Variants in MSH6 observed in about 807,000 individuals in gnomAD.
MSH6 encodes DNA mismatch repair protein Msh6.
MSH6 carries 85 observed loss-of-function variants against 119.1 expected under a neutral mutation model. The observed-to-expected ratio is 0.71, with a 90% CI of 0.60 to 0.85. The LOEUF is 0.85. Ranked by LOEUF, MSH6 falls within the 40% of genes least tolerant of loss-of-function variation. The pLI is 0.00. For synonymous variants in MSH6, 830 were observed against 586.9 expected (o/e 1.41, Z -5.99); for missense variants, 2,163 against 1,655.3 (o/e 1.31, Z -5.32).
In MSH6 at chr2:47,799,228, G is replaced by A. The variant is rs769418914; in HGVS notation, c.1245G>A (p.Gln415=). 1.4e-5 allele frequency: 23 copies of A among 1,614,028 alleles called. No individual in the cohort carries two copies. The African/African-American group carries it at 2.3e-4, about 16-fold the overall frequency. ...SCTPGMRKWW[Q]IKSQNFDLVI... ...CTCCTGGGATGAGGAAGTGGTGGCA[G>A]ATTAAGTCTCAGAACTTTGATCTTG... Residue 415 remains glutamine, a synonymous_variant, in exon 4 of 10, where the codon CAG becomes CAA. Transcript: ENST00000234420.
rs2104306041 is a variant in MSH6 at position 47,798,897 on chromosome 2, C to A, written c.914C>A (p.Thr305Asn). ...GCTCGAAAGCGGAAGAGAATGGTGA[C>A]TGGAAATGGCTCTCTTAAAAGGAAA... ...KVARKRKRMV[T>N]GNGSLKRKSS... Residue 305 changes from threonine (T) to asparagine (N), a missense_variant, in exon 4 of 10, where the codon ACT (threonine) becomes AAT (asparagine). Thr to Asn is a moderately conservative substitution (Grantham distance 65, BLOSUM62 0). Transcript: ENST00000234420. The A allele has an allele frequency of 6.2e-7, 1 of 1,614,152 alleles. No individual in the cohort carries two copies. The highest frequency in any genetic ancestry group is 1.1e-5 in the South Asian group (1 of 91,080).
intron 2 of MSH6, among the ~76,000 whole-genome samples, chr2:47,793,976 T>A (rs1390277270): frequency 6.6e-6 from 1 of 151,260 alleles, no homozygotes; most frequent in Non-Finnish European, 1.5e-5. Flanking sequence ...AAGTGATCCG[T>A]CCACCTTGGC....
intron 1 of MSH6, among the ~76,000 whole-genome samples, chr2:47,786,715 G>T (rs1332906160): frequency 6.8e-6 from 1 of 147,938 alleles, no homozygotes; most frequent in Non-Finnish European, 1.5e-5. Flanking sequence ...GTCTTTTGCT[G>T]TTTCTTTTTT....
Position 47,800,491 on chromosome 2 carries a change from C to G in MSH6, c.2508C>G (p.Asn836Lys), listed in dbSNP as rs758170249. 1 of 1,612,960 alleles carries G rather than the reference C, an allele frequency of 6.2e-7. No homozygotes were observed. The highest frequency in any genetic ancestry group is 8.5e-7 in the Non-Finnish European group (1 of 1,179,728). The change falls in exon 4 of 10, where the codon AAC becomes AAG. Residue 836 changes from asparagine to lysine, a missense_variant. Physicochemically the swap from Asn to Lys is moderately conservative, Grantham distance 94. Transcript: ENST00000234420. ...TTGGGTCTCCCCTGAAGAGTCAGAACCACCCAGACAGCAGGGCTATAATGT... is the reference window on the plus strand; with the variant it reads ...TTGGGTCTCCCCTGAAGAGTCAGAAGCACCCAGACAGCAGGGCTATAATGT... ...HNVGSPLKSQ[N>K]HPDSRAIMYE...
chr2:47,809,285 T>A (rs955345212), downstream of MSH6: 2 of 1,436,002 alleles, frequency 1.4e-6, no homozygotes, highest in African/African-American at 1.4e-5. Flanking sequence ...AAAGAAAGAA[T>A]AAGTAAAAAT....
intron 2 of MSH6, among the ~76,000 whole-genome samples, chr2:47,795,010 G>A (rs1668983375): frequency 6.6e-6 from 1 of 152,062 alleles, no homozygotes; most frequent in Non-Finnish European, 1.5e-5. Flanking sequence ...GGTCAGGTTG[G>A]TCTTGAACTC....
chr2:47,808,527 C>A, downstream of MSH6: 3 of 1,044,128 alleles, frequency 2.9e-6, no homozygotes, highest in South Asian at 1.9e-5. Flanking sequence ...TTTAAGAGGA[C>A]CAAAACAAAA....
rs764507968 is a variant in MSH6 at position 47,806,494 on chromosome 2, A to G, written c.3844A>G (p.Thr1282Ala). 6.2e-7 allele frequency: 1 copy of G among 1,614,052 alleles called. No individual in the cohort carries two copies. The highest frequency in any genetic ancestry group is 8.5e-7 in the Non-Finnish European group (1 of 1,179,974). Reference sequence around the variant, plus strand: ...TGAATGTGAAGACCCCAGCCAGGAGACTATTACGTTCCTCTATAAATTCAT... The same window carrying G: ...TGAATGTGAAGACCCCAGCCAGGAGGCTATTACGTTCCTCTATAAATTCAT... ...ENECEDPSQE[T>A]ITFLYKFIKG... The change falls in exon 9 of 10, where the codon ACT (threonine) becomes GCT (alanine). Residue 1282 changes from threonine (T) to alanine (A), a missense_variant. Thr to Ala is a moderately conservative substitution (Grantham distance 58). Transcript: ENST00000234420.
chr2:47,785,052 G>T (rs1668266424), intron 1 of MSH6: 1 of 151,374 alleles, frequency 6.6e-6, no homozygotes. Flanking sequence ...TCGAACTCCT[G>T]ACCTCTTGAT....
intron 6 of MSH6, 92 bp downstream of exon 6, chr2:47,805,119 ATAT>A: frequency 1.1e-6 from 1 of 875,608 alleles, no homozygotes; most frequent in Non-Finnish European, 1.9e-6. Context: ...TTTAAATCTA[ATAT>A]TTGATTTTTC....
chr2:47,789,114 C>T (rs538421712), intron 1 of MSH6, among the ~76,000 whole-genome samples: 5 of 145,992 alleles, frequency 3.4e-5, no homozygotes, highest in African/African-American at 2.5e-5. Context: ...TTGGTAGAGA[C>T]GGGGTTTCAC....
At position 47,801,025 on chromosome 2, in the gene MSH6, G is replaced by T; in HGVS notation, c.3042G>T (p.Lys1014Asn). The change falls in exon 4 of 10, where the codon AAG becomes AAT. Residue 1014 changes from lysine (K) to asparagine (N), a missense_variant. Lys to Asn is a moderately conservative substitution (Grantham distance 94, BLOSUM62 0). Coordinates refer to ENST00000234420, the MANE Select transcript of MSH6 (RefSeq NM_000179.3). ...ACTGGACCAAAACTATTGAAAAGAA[G>T]TTGGCTAATCTCATAAATGCTGAAG... ...KRYWTKTIEK[K>N]LANLINAEER... 6.3e-7 allele frequency: 1 copy of T among 1,578,134 alleles called. No individual in the cohort carries two copies. The highest frequency in any genetic ancestry group is 8.6e-7 in the Non-Finnish European group (1 of 1,163,170).
chr2:47,806,508 C>CA lies in MSH6; in HGVS notation c.3858_3859insA (p.Tyr1287IlefsTer2). On this transcript the variant is annotated frameshift_variant, in exon 9 of 10. Coordinates refer to ENST00000234420, the MANE Select transcript of MSH6 (RefSeq NM_000179.3). LOFTEE classifies it high-confidence loss of function. ...CCAGCCAGGAGACTATTACGTTCCTCTATAAATTCATTAAGGGAGCTTGTC... is the reference window on the plus strand; with the variant it reads ...CCAGCCAGGAGACTATTACGTTCCTCATATAAATTCATTAAGGGAGCTTGTC... 2 of 1,614,034 alleles carry CA rather than the reference C, an allele frequency of 1.2e-6. No homozygotes were observed. The highest frequency in any genetic ancestry group is 1.7e-6 in the Non-Finnish European group (2 of 1,179,962).
At chr2:47,807,347 G>C (rs140531362), downstream of MSH6, 19 of 212,362 alleles carry the variant, frequency 8.9e-5, no homozygotes, top group East Asian at 1.3e-3. Flanking sequence ...TTGTTTTACA[G>C]TGCATCCCTT....
intron 3 of MSH6, among the ~76,000 whole-genome samples, chr2:47,796,528 C>G (rs766908614): frequency 3.9e-5 from 6 of 152,242 alleles, no homozygotes; most frequent in East Asian, 3.8e-4. Context: ...AGGCATGAGC[C>G]ACAGCACCCA....
chr2:47,784,111 G>C, intron 1 of MSH6: 6 of 1,005,552 alleles, frequency 6.0e-6, no homozygotes, highest in Non-Finnish European at 7.1e-6. Context: ...CCTAGGTGAG[G>C]GGCCGCCGAG....
chr2:47,809,778 C>G, downstream of MSH6: 1 of 925,182 alleles, frequency 1.1e-6, no homozygotes, highest in Non-Finnish European at 1.7e-6. Context: ...AATTAGCAAG[C>G]AAATGTAAAC....
rs755626529 is a variant in MSH6 at position 47,806,372 on chromosome 2, G to T, written c.3801+14G>T. ...CTAGGACATATGGTATGTGCAAATT[G>T]TTTTTTTCCACAAATTCGGTTTTTT... On this transcript the variant is annotated intron_variant, in intron 8 of 9. Transcript: ENST00000234420. 6 of 1,613,850 alleles carry T rather than the reference G, an allele frequency of 3.7e-6. No individual in the cohort carries two copies. In the East Asian group the frequency reaches 6.7e-5, roughly 18 times the overall value.
intron 2 of MSH6, among the ~76,000 whole-genome samples, chr2:47,791,899 T>TGCAATGGC (rs1280862742): frequency 1.3e-5 from 2 of 151,784 alleles, no homozygotes; most frequent in Non-Finnish European, 2.9e-5. Context: ...CAGGCTGGAG[T>TGCAATGGC]GCAATGGCGC....
Sources: gnomAD v4.1 joint callset for allele counts (sites outside exome capture counted in the v4.1 genomes callset) on GRCh38, gnomAD v4.1.1 for gene constraint, MANE v1.5 for transcripts, NCBI Gene and HGNC (gene_info 2026-07-23, HGNC 2026-07-21) for gene names.